TTC28: variants seen among roughly 807,000 people sequenced by gnomAD.
TTC28 encodes the protein tetratricopeptide repeat protein 28.
A neutral mutation model predicts 198.0 loss-of-function variants in TTC28; 61 were observed. That is an observed-to-expected ratio of 0.31 (90% CI 0.25 to 0.38). The LOEUF is 0.38. Among genes scored for constraint, TTC28 ranks in the 10% least tolerant of loss-of-function variants. The pLI is 1.00. For synonymous variants in TTC28, 1,171 were observed against 1,297.8 expected (o/e 0.90, Z 2.10); for missense variants, 2,678 against 3,164.0 (o/e 0.85, Z 3.69).
chr22:28,420,506 C>G (rs2047233817), intron 2 of TTC28, among the ~76,000 whole-genome samples: 1 of 135,664 alleles, frequency 7.4e-6, no homozygotes, highest in Admixed American at 7.7e-5. Context: ...TCTTTTTTCT[C>G]AAGCAGTTGA....
chr22:28,378,864 G>A (rs1366640952), intron 2 of TTC28, among the ~76,000 whole-genome samples: 1 of 151,384 alleles, frequency 6.6e-6, no homozygotes, highest in Non-Finnish European at 1.5e-5. Context: ...GACAGGAGAG[G>A]GCAAAAAAAT....
At chr22:28,494,407 C>T (rs540922508) in intron 2 of TTC28, among the ~76,000 whole-genome samples, 2 of 152,284 alleles carry the variant, frequency 1.3e-5, no homozygotes, top group East Asian at 3.9e-4. Context: ...CAATTAGAAA[C>T]TGTCAACTAA....
intron 2 of TTC28, among the ~76,000 whole-genome samples, chr22:28,614,267 A>G (rs1300762931): frequency 6.6e-6 from 1 of 152,232 alleles, no homozygotes; most frequent in Non-Finnish European, 1.5e-5. Context: ...AAGGAGAACT[A>G]CAAAACACTG....
intron 2 of TTC28, among the ~76,000 whole-genome samples, chr22:28,430,887 GAAA>G (rs695539): frequency 7.4e-6 from 1 of 134,554 alleles, no homozygotes. Context: ...CATTGTAAAA[GAAA>G]AAAAAAAAAA....
chr22:28,269,926 T>C (rs781285602), intron 5 of TTC28, among the ~76,000 whole-genome samples: 1 of 152,098 alleles, frequency 6.6e-6, no homozygotes, highest in Non-Finnish European at 1.5e-5. Flanking sequence ...ATGATAAAGA[T>C]GAAAACACCC....
At chr22:28,201,547 G>A (rs941937041) in intron 5 of TTC28, among the ~76,000 whole-genome samples, 1 of 152,028 alleles carries the variant, frequency 6.6e-6, no homozygotes, top group Non-Finnish European at 1.5e-5. Context: ...AGAGCATATG[G>A]AACTTTCAAG....
intron 22 of TTC28, among the ~76,000 whole-genome samples, chr22:27,984,315 C>T (rs928683983): frequency 1.3e-5 from 2 of 152,150 alleles, no homozygotes; most frequent in African/African-American, 2.4e-5. Flanking sequence ...CTCCCCCATT[C>T]TCTCAACTTA....
At chr22:28,024,136 G>A (rs1326953080) in intron 13 of TTC28, among the ~76,000 whole-genome samples, 1 of 151,430 alleles carries the variant, frequency 6.6e-6, no homozygotes. Context: ...AGCCTCAGGC[G>A]AGTGCACAGC....
rs2046744252 is a variant in TTC28, at chr22:28,392,491, G to T, written c.382-85848C>A. On this transcript the variant is annotated intron_variant, in intron 2 of 22. Coordinates refer to ENST00000397906, the MANE Select transcript of TTC28 (RefSeq NM_001145418.2). Reference sequence around the variant, plus strand: ...TCAGACTGCTGTGCTAGCAATCAGGGAGACTCCGTGGGCGTAGGACCCTCC... The same window carrying T: ...TCAGACTGCTGTGCTAGCAATCAGGTAGACTCCGTGGGCGTAGGACCCTCC... 3.9e-5 allele frequency among the ~76,000 whole-genome samples: 6 copies of T among 152,216 alleles called. No individual in the cohort carries two copies. In the South Asian group the frequency reaches 1.0e-3, roughly 26 times the overall value.
chr22:28,576,569 T>C (rs1470968665), intron 2 of TTC28, among the ~76,000 whole-genome samples: 1 of 152,152 alleles, frequency 6.6e-6, no homozygotes, highest in African/African-American at 2.4e-5. Flanking sequence ...GTATTAGTTC[T>C]TCTTTAAATG....
intron 2 of TTC28, among the ~76,000 whole-genome samples, chr22:28,538,326 G>A (rs911868962): frequency 6.6e-6 from 1 of 152,048 alleles, no homozygotes; most frequent in South Asian, 2.1e-4. Flanking sequence ...TGACTCAAGT[G>A]GTCCTACCAT....
intron 2 of TTC28, among the ~76,000 whole-genome samples, chr22:28,433,700 G>A (rs1218348500): frequency 6.6e-6 from 1 of 152,052 alleles, no homozygotes; most frequent in Non-Finnish European, 1.5e-5. Context: ...AAAAGCAATT[G>A]CATATGCTCT....
chr22:28,296,375 T>C (rs1419899148), intron 4 of TTC28, 47 bp from the exon 5 acceptor site: 1 of 1,443,138 alleles, frequency 6.9e-7, no homozygotes, highest in African/African-American at 1.4e-5. Flanking sequence ...CTCTAAGTTA[T>C]AATGTTATTT....
At chr22:28,059,740 T>C (rs941598331) in intron 12 of TTC28, among the ~76,000 whole-genome samples, 1 of 152,090 alleles carries the variant, frequency 6.6e-6, no homozygotes, top group African/African-American at 2.4e-5. Context: ...TAGGTAAATA[T>C]ACATTTATGG....
At chr22:28,002,540 A>G (rs138657) in intron 14 of TTC28, 80,808 of 152,022 alleles carry the variant, frequency 0.53, 21,766 homozygotes, top group African/African-American at 0.62. Flanking sequence ...AGAGTGGCAG[A>G]GCACTAGGCT....
intron 6 of TTC28, among the ~76,000 whole-genome samples, chr22:28,152,016 T>C (rs1943620324): frequency 6.6e-6 from 1 of 152,116 alleles, no homozygotes; most frequent in Non-Finnish European, 1.5e-5. Context: ...CCGCAGGCTG[T>C]AGCAAAAGAC....
At chr22:28,427,348 A>G (rs2047364424) in intron 2 of TTC28, among the ~76,000 whole-genome samples, 1 of 152,138 alleles carries the variant, frequency 6.6e-6, no homozygotes, top group Admixed American at 6.5e-5. Flanking sequence ...CTTTCCAACT[A>G]ATTTCAACTG....
intron 5 of TTC28, among the ~76,000 whole-genome samples, chr22:28,201,859 G>A (rs990729534): frequency 6.6e-6 from 1 of 151,968 alleles, no homozygotes; most frequent in African/African-American, 2.4e-5. Context: ...CTGAACAGGG[G>A]TGATGGCCCT....
chr22:28,645,189 T>C (rs1273215875), intron 1 of TTC28, among the ~76,000 whole-genome samples: 1 of 149,670 alleles, frequency 6.7e-6, no homozygotes, highest in East Asian at 2.0e-4. Flanking sequence ...AGGGTGAAAC[T>C]CCGTCTCAAA....
Sources: allele counts gnomAD v4.1 joint callset (sites outside exome capture counted in the v4.1 genomes callset), GRCh38; gene constraint gnomAD v4.1.1; transcripts MANE v1.5; gene names NCBI Gene and HGNC (gene_info 2026-07-23, HGNC 2026-07-21).